The following GABRG2 variants were observed in gnomAD, a reference collection of about 807,000 sequenced individuals.
GABRG2 encodes the protein gamma-aminobutyric acid receptor subunit gamma-2.
GABRG2 carries 16 observed loss-of-function variants against 56.4 expected under a neutral mutation model. The observed-to-expected ratio is 0.28, with a 90% confidence interval of 0.19 to 0.43. The LOEUF is 0.43. Ranked by LOEUF, GABRG2 falls within the 20% of genes least tolerant of loss-of-function variation. The pLI is 1.00. For synonymous variants in GABRG2, 208 were observed against 205.5 expected (o/e 1.01, Z -0.10); for missense variants, 327 against 582.7 (o/e 0.56, Z 4.52).
intron 1 of GABRG2, among the ~76,000 whole-genome samples, chr5:162,072,541 T>A (rs952831516): frequency 6.6e-6 from 1 of 152,064 alleles, no homozygotes; most frequent in Non-Finnish European, 1.5e-5. Context: ...TTTATTCAGG[T>A]AGACATGCAG....
intron 1 of GABRG2, among the ~76,000 whole-genome samples, chr5:162,091,231 A>G (rs897963382): frequency 9.9e-5 from 15 of 152,000 alleles, no homozygotes; most frequent in Non-Finnish European, 2.1e-4. Context: ...TTTTTGTTAC[A>G]TGTTTGAAGC....
chr5:162,133,305 T>C (rs1357669530), intron 6 of GABRG2, among the ~76,000 whole-genome samples: 3 of 152,154 alleles, frequency 2.0e-5, no homozygotes, highest in Admixed American at 2.0e-4. Flanking sequence ...AATGTGTTTC[T>C]CACAATAGCC....
intron 6 of GABRG2, among the ~76,000 whole-genome samples, chr5:162,114,493 C>T (rs927591373): frequency 1.1e-4 from 17 of 151,894 alleles, no homozygotes; most frequent in Admixed American, 2.6e-4. Context: ...GCCGAGATAG[C>T]ACCATTTGCA....
At chr5:162,107,105 A>G (rs1761891891) in intron 6 of GABRG2, among the ~76,000 whole-genome samples, 2 of 152,090 alleles carry the variant, frequency 1.3e-5, no homozygotes, top group Non-Finnish European at 2.9e-5. Flanking sequence ...AACATGCAGT[A>G]TTTGGTTTTC....
At chr5:162,078,022 G>C (rs886718859) in intron 1 of GABRG2, among the ~76,000 whole-genome samples, 2 of 151,992 alleles carry the variant, frequency 1.3e-5, no homozygotes, top group Non-Finnish European at 2.9e-5. Context: ...CATCGCTTCT[G>C]TCATATGCTG....
intron 6 of GABRG2, among the ~76,000 whole-genome samples, chr5:162,112,855 A>C (rs1282282018): frequency 6.6e-6 from 1 of 152,198 alleles, no homozygotes; most frequent in Non-Finnish European, 1.5e-5. Context: ...AGCAAAACAG[A>C]AACAGATAGT....
At chr5:162,121,079 C>T (rs1306955954) in intron 6 of GABRG2, among the ~76,000 whole-genome samples, 1 of 152,092 alleles carries the variant, frequency 6.6e-6, no homozygotes. Flanking sequence ...AAGCTCTACG[C>T]TTTTTACTGA....
At position 162,149,304 on chromosome 5, in the gene GABRG2, G is replaced by A. The variant is rs571034662; in HGVS notation, c.1119G>A (p.Lys373=). The change falls in exon 8 of 10, where the codon AAG becomes AAA. Residue 373 remains lysine, a synonymous_variant. Transcript: ENST00000639213. ...CAAGCAAGGACAAAGATAAAAAGAA[G>A]AAAAACCCTGTATGTATCATTTTCC... ...RKPSKDKDKK[K]KNPLLRMFSF... is the part of the protein sequence containing the mutation. 6.2e-7 allele frequency: 1 copy of A among 1,614,036 alleles called. No homozygotes were observed. The highest frequency in any genetic ancestry group is 8.5e-7 in the Non-Finnish European group (1 of 1,179,970).
intron 7 of GABRG2, 86 bp downstream of exon 7, chr5:162,142,402 T>C: frequency 7.1e-7 from 1 of 1,399,172 alleles, no homozygotes; most frequent in Non-Finnish European, 1.0e-6. Context: ...GTTGATCTGC[T>C]TTAAATTTAG....
At chr5:162,135,925 A>C (rs184732519) in intron 6 of GABRG2, among the ~76,000 whole-genome samples, 126 of 152,268 alleles carry the variant, frequency 8.3e-4, no homozygotes, top group African/African-American at 2.6e-3. Flanking sequence ...CTAGAGAACA[A>C]GTTAAAGAAT....
intron 3 of GABRG2, among the ~76,000 whole-genome samples, chr5:162,097,192 G>C (rs1761059391): frequency 6.6e-6 from 1 of 152,090 alleles, no homozygotes; most frequent in Admixed American, 6.6e-5. Context: ...GTTTGACTGT[G>C]TCTGGAGGCA....
chr5:162,130,460 G>A (rs1763659309), intron 6 of GABRG2, among the ~76,000 whole-genome samples: 2 of 151,832 alleles, frequency 1.3e-5, no homozygotes, highest in Admixed American at 6.6e-5. Context: ...CCTCTGTGGA[G>A]CCTTTTCTTT....
Position 162,112,145 on chromosome 5 carries a change from G to GA in GABRG2, c.769+8126dup, listed in dbSNP as rs201518787. Among the ~76,000 whole-genome samples the GA allele has an allele frequency of 4.4e-3, 670 of 151,906 alleles. 3 individuals are homozygous for GA. Among genetic ancestry groups the GA allele is most frequent in the African/African-American group, 0.015 (626 of 41,468 alleles). On this transcript the variant is annotated intron_variant, in intron 6 of 9. Transcript: ENST00000639213. ...GTGTATTTGTGAAAACTTGTTCTTT[G>GA]AAAAAAATCAATTTGAGAGAATATA...
chr5:162,148,343 G>A (rs1765112091), intron 7 of GABRG2, among the ~76,000 whole-genome samples: 1 of 152,158 alleles, frequency 6.6e-6, no homozygotes, highest in African/African-American at 2.4e-5. Context: ...CAATGTATAT[G>A]AAGCGCTTAT....
At chr5:162,120,339 C>G (rs532128950) in intron 6 of GABRG2, among the ~76,000 whole-genome samples, 1 of 152,104 alleles carries the variant, frequency 6.6e-6, no homozygotes, top group African/African-American at 2.4e-5. Flanking sequence ...CTCAGGGGTT[C>G]TTTCTGAGGC....
At chr5:162,152,955 T>C (rs1184666443) in intron 9 of GABRG2, 138 bp from the exon 10 acceptor site, 6 of 1,025,046 alleles carry the variant, frequency 5.9e-6, no homozygotes, top group Non-Finnish European at 9.0e-6. Flanking sequence ...ATTTTACCAT[T>C]GTAGATCATG....
chr5:162,102,616 C>T lies in GABRG2; in HGVS notation c.632-1273C>T, dbSNP rs909915168. The T allele has an allele frequency of 1.8e-5, 8 of 451,996 alleles. No individual in the cohort carries two copies. In the East Asian group the frequency reaches 2.1e-4, roughly 12 times the overall value. 28.0% of individuals were successfully genotyped at this position (451,996 alleles called of 1,614,324 possible). On this transcript the variant is annotated intron_variant, in intron 5 of 9. Coordinates refer to ENST00000639213, the MANE Select transcript of GABRG2 (RefSeq NM_198904.4). ...TGTGATCTCGGCTCACTACAGCCTTCGCTTCTGGGGCTCAACTGATCCTCC... is the reference window on the plus strand; with the variant it reads ...TGTGATCTCGGCTCACTACAGCCTTTGCTTCTGGGGCTCAACTGATCCTCC...
intron 6 of GABRG2, among the ~76,000 whole-genome samples, chr5:162,106,205 C>T (rs912801267): frequency 6.6e-6 from 1 of 152,124 alleles, no homozygotes; most frequent in African/African-American, 2.4e-5. Context: ...TATTAATCTT[C>T]CTAAGGAAAT....
In GABRG2 at chr5:162,068,217, G is replaced by A. The variant is rs144921791; in HGVS notation, c.107+111G>A. ...TTTAAAACACTCTCCTAGGATGTGCGGCTTTACAATTTAGGAGAGAGCGAA... is the reference window on the plus strand; with the variant it reads ...TTTAAAACACTCTCCTAGGATGTGCAGCTTTACAATTTAGGAGAGAGCGAA... On this transcript the variant is annotated intron_variant, in intron 1 of 9. Transcript: ENST00000639213. 1.2e-3 allele frequency: 903 copies of A among 758,676 alleles called. 4 individuals carry two copies. The African/African-American group carries it at 0.014, about 12-fold the overall frequency. The allele number at this position is 758,676 out of a possible 1,614,324, so 47.0% of individuals were successfully genotyped here.
Sources: gnomAD v4.1 joint callset for allele counts (sites outside exome capture counted in the v4.1 genomes callset) on GRCh38, gnomAD v4.1.1 for gene constraint, MANE v1.5 for transcripts, NCBI Gene and HGNC (gene_info 2026-07-23, HGNC 2026-07-21) for gene names.